EYA4: variants seen among roughly 807,000 people sequenced by gnomAD.
The protein encoded by EYA4 is protein phosphatase EYA4.
Under a neutral mutation model 87.9 loss-of-function variants are expected in EYA4, and 31 were observed. The ratio of observed to expected loss-of-function variants is 0.35; its 90% CI spans 0.27 to 0.48. EYA4 has a LOEUF of 0.48. EYA4 is among the 20% of genes least tolerant of loss of function. The probability of loss-of-function intolerance (pLI) is 0.99; values close to 1 mark genes in which losing one functional copy is unlikely to be tolerated. For missense variants in EYA4, 678 were observed against 761.4 expected, an observed-to-expected ratio of 0.89 and a Z score of 1.29; for synonymous variants, 263 against 270.6, an observed-to-expected ratio of 0.97 and a Z score of 0.28.
At chr6:133,483,399 G>A (rs927222136) in intron 13 of EYA4, among the ~76,000 whole-genome samples, 1 of 152,012 alleles carries the variant, frequency 6.6e-6, no homozygotes, top group African/African-American at 2.4e-5. Context: ...AAAAAAAATT[G>A]TAAATCGAAA....
chr6:133,467,685 G>A (rs533788993), intron 10 of EYA4, among the ~76,000 whole-genome samples: 1 of 151,886 alleles, frequency 6.6e-6, no homozygotes, highest in South Asian at 2.1e-4. Context: ...ATCAAATGTA[G>A]ATCTTTTTTC....
At chr6:133,439,657 C>G (rs1470223905) in intron 3 of EYA4, among the ~76,000 whole-genome samples, 3 of 152,174 alleles carry the variant, frequency 2.0e-5, no homozygotes, top group Non-Finnish European at 4.4e-5. Context: ...ATGGTGGATG[C>G]TCATCCAAGC....
intron 2 of EYA4, among the ~76,000 whole-genome samples, chr6:133,337,625 T>C (rs1487580520): frequency 6.6e-6 from 1 of 152,216 alleles, no homozygotes; most frequent in Non-Finnish European, 1.5e-5. Flanking sequence ...CAGAAAGTAC[T>C]GTAGTACATT....
chr6:133,519,128 G>T (rs1297857050), intron 17 of EYA4, among the ~76,000 whole-genome samples: 1 of 151,206 alleles, frequency 6.6e-6, no homozygotes, highest in Non-Finnish European at 1.5e-5. Context: ...CTAGCAGAAG[G>T]CAAGAAATAA....
At chr6:133,441,471 G>C (rs949419589) in intron 3 of EYA4, among the ~76,000 whole-genome samples, 2 of 152,118 alleles carry the variant, frequency 1.3e-5, no homozygotes, top group African/African-American at 4.8e-5. Context: ...TTCTATAGAA[G>C]GGTGCGCACT....
intron 3 of EYA4, among the ~76,000 whole-genome samples, chr6:133,411,338 A>G (rs1286787234): frequency 6.6e-6 from 1 of 152,190 alleles, no homozygotes; most frequent in African/African-American, 2.4e-5. Flanking sequence ...TACTTGTGTT[A>G]TAGAGCACAA....
At chr6:133,267,227 A>G (rs1401057475) in intron 1 of EYA4, among the ~76,000 whole-genome samples, 3 of 152,224 alleles carry the variant, frequency 2.0e-5, no homozygotes, top group African/African-American at 7.2e-5. Context: ...TAATTAAAGT[A>G]TGTGAAACCA....
At chr6:133,318,334 C>T (rs1780781189) in intron 2 of EYA4, among the ~76,000 whole-genome samples, 1 of 151,704 alleles carries the variant, frequency 6.6e-6, no homozygotes, top group Admixed American at 6.6e-5. Context: ...AATTTTAAAT[C>T]TGAAAAGGCT....
At chr6:133,491,423 C>T (rs535280811) in intron 13 of EYA4, among the ~76,000 whole-genome samples, 2 of 151,916 alleles carry the variant, frequency 1.3e-5, no homozygotes, top group African/African-American at 2.4e-5. Context: ...GCCTAGCTAA[C>T]AAAAAAGAAG....
chr6:133,499,368 A>G (rs73546816), intron 13 of EYA4, among the ~76,000 whole-genome samples: 5,852 of 152,140 alleles, frequency 0.038, 407 homozygotes, highest in African/African-American at 0.13. Context: ...TCCTCCCAAC[A>G]TGGTATTTTT....
intron 2 of EYA4, among the ~76,000 whole-genome samples, chr6:133,323,042 T>C (rs1781213668): frequency 6.6e-6 from 1 of 151,458 alleles, no homozygotes; most frequent in Non-Finnish European, 1.5e-5. Flanking sequence ...CATTTTATTC[T>C]CTATATCTAT....
At chr6:133,518,774 A>G (rs1010069763) in intron 17 of EYA4, among the ~76,000 whole-genome samples, 4 of 152,204 alleles carry the variant, frequency 2.6e-5, no homozygotes, top group African/African-American at 9.6e-5. Flanking sequence ...AATGTAAAAG[A>G]ACAGAAATTA....
chr6:133,306,016 G>T (rs542696260), intron 2 of EYA4, among the ~76,000 whole-genome samples: 1 of 151,906 alleles, frequency 6.6e-6, no homozygotes, highest in Non-Finnish European at 1.5e-5. Context: ...CTTCTAAATG[G>T]TATGTTTGAT....
At position 133,370,078 on chromosome 6, in the gene EYA4, C is replaced by T. The variant is rs182849751; in HGVS notation, c.34-12314C>T. Among the ~76,000 whole-genome samples, 508 of 152,284 alleles carry T rather than the reference C, an allele frequency of 3.3e-3. 3 individuals are homozygous for T. The highest frequency in any genetic ancestry group is 0.011 in the African/African-American group (471 of 41,558). On this transcript the variant is annotated intron_variant, in intron 2 of 19. Coordinates refer to ENST00000355286, the MANE Select transcript of EYA4 (RefSeq NM_004100.5). ...ACTGCTCCTGGAGCCCGAAGGTTCACGCCAGAGCAAGGTGCTTTTAAGGCT... is the reference window on the plus strand; with the variant it reads ...ACTGCTCCTGGAGCCCGAAGGTTCATGCCAGAGCAAGGTGCTTTTAAGGCT...
chr6:133,484,152 A>C (rs1796490544), intron 13 of EYA4, among the ~76,000 whole-genome samples: 1 of 152,208 alleles, frequency 6.6e-6, no homozygotes, highest in Admixed American at 6.5e-5. Context: ...TAACTGTTTA[A>C]GTCTTAGACT....
intron 7 of EYA4, among the ~76,000 whole-genome samples, chr6:133,461,557 A>G (rs1011887499): frequency 1.5e-4 from 23 of 152,238 alleles, no homozygotes; most frequent in African/African-American, 5.5e-4. Flanking sequence ...TGTTTTTATA[A>G]CTAATATAGT....
intron 2 of EYA4, among the ~76,000 whole-genome samples, chr6:133,293,322 T>G (rs1488398760): frequency 6.6e-6 from 1 of 152,218 alleles, no homozygotes; most frequent in African/African-American, 2.4e-5. Flanking sequence ...AGTTGACACA[T>G]AGAGATGCAT....
chr6:133,272,045 T>C (rs9402498), intron 1 of EYA4, among the ~76,000 whole-genome samples: 19,576 of 152,234 alleles, frequency 0.13, 1,616 homozygotes, highest in Non-Finnish European at 0.18. Context: ...TGAATCAGTA[T>C]ATAATCACAC....
chr6:133,309,357 G>A (rs1447749467), intron 2 of EYA4, among the ~76,000 whole-genome samples: 1 of 152,084 alleles, frequency 6.6e-6, no homozygotes, highest in Non-Finnish European at 1.5e-5. Context: ...TCTGATAATG[G>A]TTATATGGTG....
Sources: allele counts gnomAD v4.1 joint callset (sites outside exome capture counted in the v4.1 genomes callset), GRCh38; gene constraint gnomAD v4.1.1; transcripts MANE v1.5; gene names NCBI Gene and HGNC (gene_info 2026-07-23, HGNC 2026-07-21).